The following ZNF547 variants were observed in gnomAD, a reference collection of about 807,000 sequenced individuals.
ZNF547 encodes the protein zinc finger protein 547.
A neutral mutation model predicts 7.7 loss-of-function variants in ZNF547; 4 were observed. That is an observed-to-expected ratio of 0.52 (90% CI 0.26 to 1.20). ZNF547 has a LOEUF of 1.20. ZNF547 is among the 50% of genes most tolerant of loss of function. ZNF547 has a pLI of 0.14. For synonymous variants in ZNF547, 166 were observed against 166.2 expected, an observed-to-expected ratio of 1.00 and a Z score of 0.01; for missense variants, 449 against 485.8, an observed-to-expected ratio of 0.92 and a Z score of 0.71.
intron 2 of ZNF547, chr19:57,370,984 C>G (rs953938571): frequency 6.6e-6 from 1 of 150,398 alleles, no homozygotes; most frequent in Non-Finnish European, 1.5e-5. Context: ...TGGAGTCTTG[C>G]TGTGTTGTCA....
At position 57,378,943 on chromosome 19, in the gene ZNF547, G is replaced by C. The variant is rs2088557362; in HGVS notation, c.*758G>C. On this transcript the variant is annotated 3_prime_UTR_variant, in exon 4 of 4. Coordinates refer to ENST00000282282, the MANE Select transcript of ZNF547 (RefSeq NM_173631.4). ...TACTTCTCAGAAGAAGAATCTTAGA[G>C]TGTTTTTCATTATTTTTTTTCACTT... The C allele has an allele frequency of 5.6e-6, 1 of 179,706 alleles. No homozygotes were observed. The highest frequency in any genetic ancestry group is 2.4e-5 in the African/African-American group (1 of 41,664). 11.1% of individuals were successfully genotyped at this position (179,706 alleles called of 1,614,324 possible). A position where few individuals can be genotyped will look rare whatever the true frequency, so the allele number is the denominator to read the frequency against.
At chr19:57,366,282 A>G (rs1394166694) in intron 1 of ZNF547, among the ~76,000 whole-genome samples, 1 of 150,088 alleles carries the variant, frequency 6.7e-6, no homozygotes, top group Non-Finnish European at 1.5e-5. Flanking sequence ...GTGCAGTGGC[A>G]CGATCTTGGC....
At chr19:57,369,521 C>G (rs1246999499) in intron 2 of ZNF547, among the ~76,000 whole-genome samples, 1 of 152,054 alleles carries the variant, frequency 6.6e-6, no homozygotes, top group Non-Finnish European at 1.5e-5. Flanking sequence ...GCCATGGATT[C>G]AGTTTAGGTG....
intron 2 of ZNF547, among the ~76,000 whole-genome samples, chr19:57,368,891 T>C (rs773853724): frequency 6.6e-6 from 1 of 152,156 alleles, no homozygotes; most frequent in Non-Finnish European, 1.5e-5. Context: ...GTTTCAGTGT[T>C]TAGAGGAGAG....
chr19:57,367,638 G>T (rs750579523), intron 1 of ZNF547, among the ~76,000 whole-genome samples: 6 of 152,160 alleles, frequency 3.9e-5, no homozygotes, highest in Non-Finnish European at 8.8e-5. Context: ...TTTGTCCTCT[G>T]CCTAGAAAAA....
intron 2 of ZNF547, among the ~76,000 whole-genome samples, chr19:57,370,181 G>A (rs955686274): frequency 2.0e-5 from 3 of 151,968 alleles, no homozygotes; most frequent in African/African-American, 4.8e-5. Flanking sequence ...GTGAGCCACC[G>A]CACCCAGCCC....
chr19:57,370,757 A>T (rs1441258650), intron 2 of ZNF547, among the ~76,000 whole-genome samples: 1 of 152,112 alleles, frequency 6.6e-6, no homozygotes, highest in East Asian at 1.9e-4. Context: ...TTTCTACCTT[A>T]TCTTCCATCT....
At chr19:57,366,054 G>A (rs1299796515) in intron 1 of ZNF547, among the ~76,000 whole-genome samples, 4 of 149,782 alleles carry the variant, frequency 2.7e-5, no homozygotes, top group Non-Finnish European at 5.9e-5. Context: ...TAGTAAAGAC[G>A]GGATTTCACC....
intron 3 of ZNF547, among the ~76,000 whole-genome samples, chr19:57,375,832 A>G (rs1328409595): frequency 2.6e-5 from 4 of 151,978 alleles, no homozygotes; most frequent in African/African-American, 9.7e-5. Context: ...AGCAGGATGG[A>G]GTGAGTGCAA....
chr19:57,365,126 T>A (rs779538861), intron 1 of ZNF547: 1 of 1,607,600 alleles, frequency 6.2e-7, no homozygotes, highest in Non-Finnish European at 8.5e-7. Context: ...ATAAAGAACT[T>A]CTTTACTGAT....
In ZNF547 at chr19:57,371,917, C is replaced by T; in HGVS notation, c.151+9C>T. The T allele has an allele frequency of 1.3e-6, 2 of 1,593,682 alleles. No individual in the cohort carries two copies. The highest frequency in any genetic ancestry group is 1.7e-6 in the Non-Finnish European group (2 of 1,169,212). ...CCTTTTGTCCTCACTAGGTAAGGCC[C>T]TCACACTTGCCCAGTGTCCTGGGTT... On this transcript the variant is annotated intron_variant, in intron 3 of 3. Coordinates refer to ENST00000282282, the MANE Select transcript of ZNF547 (RefSeq NM_173631.4).
At chr19:57,369,750 A>G (rs1034700630) in intron 2 of ZNF547, among the ~76,000 whole-genome samples, 3 of 151,786 alleles carry the variant, frequency 2.0e-5, no homozygotes, top group Middle Eastern at 3.4e-3. Context: ...GTTGCTGAGG[A>G]GGGTAATAGG....
At position 57,377,356 on chromosome 19, in the gene ZNF547, A is replaced by G. The variant is rs1158402448; in HGVS notation, c.380A>G (p.Glu127Gly). 1 of 1,614,092 alleles carries G rather than the reference A, an allele frequency of 6.2e-7. No homozygotes were observed. The highest frequency in any genetic ancestry group is 2.2e-5 in the East Asian group (1 of 44,896). Residue 127 changes from glutamate to glycine, a missense_variant, in exon 4 of 4, where the codon GAG becomes GGG. Coordinates refer to ENST00000282282, the MANE Select transcript of ZNF547 (RefSeq NM_173631.4). ...CPAHLHQHQK[E>G]QIREKLSRGD... ...GCACATCTTCACCAGCACCAAAAGGAGCAGATTAGAGAGAAACTTTCTAGA... is the reference window on the plus strand; with the variant it reads ...GCACATCTTCACCAGCACCAAAAGGGGCAGATTAGAGAGAAACTTTCTAGA...
intron 3 of ZNF547, among the ~76,000 whole-genome samples, chr19:57,373,832 C>T (rs2088520630): frequency 6.6e-6 from 1 of 152,206 alleles, no homozygotes; most frequent in Non-Finnish European, 1.5e-5. Flanking sequence ...GGCAACTCTG[C>T]CCCTGTGGCT....
chr19:57,376,373 T>C (rs145039033), intron 3 of ZNF547, among the ~76,000 whole-genome samples: 1 of 152,274 alleles, frequency 6.6e-6, no homozygotes, highest in East Asian at 1.9e-4. Context: ...GGGCTGCTTA[T>C]TCTTGCAGCC....
intron 1 of ZNF547, among the ~76,000 whole-genome samples, chr19:57,367,503 A>G (rs2088478372): frequency 6.6e-6 from 1 of 151,926 alleles, no homozygotes; most frequent in South Asian, 2.1e-4. Flanking sequence ...AGGGAAGTCT[A>G]AAGGTCATTG....
chr19:57,377,990 C>T lies in ZNF547; in HGVS notation c.1014C>T (p.Val338=). 6.2e-7 allele frequency: 1 copy of T among 1,613,920 alleles called. No homozygotes were observed. Among genetic ancestry groups the T allele is most frequent in the South Asian group, 1.1e-5 (1 of 91,058 alleles). The change falls in exon 4 of 4, where the codon GTC becomes GTT. Residue 338 remains valine (V), a synonymous_variant. Transcript: ENST00000282282. Reference sequence around the variant, plus strand: ...GGAAATTCTTCAGCTTGAAATCCGTCCTCATTCAACACCAAAGAGTTCACA... The same window carrying T: ...GGAAATTCTTCAGCTTGAAATCCGTTCTCATTCAACACCAAAGAGTTCACA... The part of the protein sequence containing the change: ...ECGKFFSLKS[V]LIQHQRVHTG...
intron 3 of ZNF547, among the ~76,000 whole-genome samples, chr19:57,373,938 A>G (rs1307968205): frequency 2.0e-5 from 3 of 152,102 alleles, no homozygotes; most frequent in Non-Finnish European, 4.4e-5. Flanking sequence ...TGGTGGATCT[A>G]CCATTCTGGG....
At chr19:57,366,572 T>C (rs1034169513) in intron 1 of ZNF547, among the ~76,000 whole-genome samples, 1 of 98,718 alleles carries the variant, frequency 1.0e-5, no homozygotes, top group South Asian at 3.2e-4. Flanking sequence ...TTTTTTGACG[T>C]GGAGTTTTGC....
Sources: allele counts gnomAD v4.1 joint callset (sites outside exome capture counted in the v4.1 genomes callset), GRCh38; gene constraint gnomAD v4.1.1; transcripts MANE v1.5; gene names NCBI Gene and HGNC (gene_info 2026-07-23, HGNC 2026-07-21).